Variants in RYK observed in about 807,000 individuals in gnomAD.
RYK encodes the protein inactive tyrosine-protein kinase RYK.
Under a neutral mutation model 70.2 loss-of-function variants are expected in RYK, and 21 were observed. The observed-to-expected ratio is 0.30, with a 90% confidence interval of 0.21 to 0.43. RYK has a LOEUF of 0.43. Among genes scored for constraint, RYK ranks in the 20% least tolerant of loss-of-function variants. RYK has a pLI of 1.00. For synonymous variants in RYK, 267 were observed against 278.0 expected (o/e 0.96, Z 0.39); for missense variants, 604 against 753.3 (o/e 0.80, Z 2.32).
Position 134,158,102 on chromosome 3 carries a change from A to G in RYK, c.*51T>C, listed in dbSNP as rs2012314023. 2 of 1,050,290 alleles carry G rather than the reference A, an allele frequency of 1.9e-6. No individual in the cohort carries two copies. Among genetic ancestry groups the G allele is most frequent in the South Asian group, 2.7e-5 (1 of 36,554 alleles). The allele number at this position is 1,050,290 out of a possible 1,614,324, so 65.1% of individuals were successfully genotyped here. On this transcript the variant is annotated 3_prime_UTR_variant, in exon 15 of 15. Transcript: ENST00000623711. ...TACAAAGCATCCCTGACAGGCTTCAAGTGAGCCCCGACAGGCACCTTCTTC... is the reference window on the plus strand; with the variant it reads ...TACAAAGCATCCCTGACAGGCTTCAGGTGAGCCCCGACAGGCACCTTCTTC...
intron 1 of RYK, among the ~76,000 whole-genome samples, chr3:134,244,805 C>T (rs2015412231): frequency 6.6e-6 from 1 of 152,148 alleles, no homozygotes; most frequent in South Asian, 2.1e-4. Flanking sequence ...TGTTGAAATC[C>T]TAACCACTAA....
At chr3:134,185,692 T>G (rs576176603) in intron 9 of RYK, among the ~76,000 whole-genome samples, 3 of 152,168 alleles carry the variant, frequency 2.0e-5, no homozygotes, top group African/African-American at 7.2e-5. Context: ...TGGAGGCTAG[T>G]AGGATCTTTT....
chr3:134,244,399 CTT>C (rs1280194573), intron 1 of RYK, among the ~76,000 whole-genome samples: 1 of 152,180 alleles, frequency 6.6e-6, no homozygotes. Flanking sequence ...CGGTTCTACT[CTT>C]TGAGTTTTTG....
Position 134,211,456 on chromosome 3 carries a change from G to C in RYK, c.454+52C>G, listed in dbSNP as rs191276126. ...GTAAACTTCTGTTTTGGGGCCATAG[G>C]GGATGCAGTTGAAAAAGTATGTTAA... On this transcript the variant is annotated intron_variant, in intron 3 of 14. Transcript: ENST00000623711. 4.9e-4 allele frequency: 630 copies of C among 1,273,338 alleles called. 3 individuals carry two copies. The African/African-American group carries it at 8.0e-3, about 16-fold the overall frequency. 78.9% of individuals were successfully genotyped at this position (1,273,338 alleles called of 1,614,324 possible).
intron 11 of RYK, 84 bp from the exon 12 acceptor site, chr3:134,176,123 C>G: frequency 2.5e-6 from 2 of 812,398 alleles, no homozygotes; most frequent in South Asian, 1.6e-5. Context: ...CACAATCCTA[C>G]TCCATCCAAA....
Position 134,158,092 on chromosome 3 carries a change from A to T in RYK, c.*61T>A. ...TTGTGTTAGATACAAAGCATCCCTGACAGGCTTCAAGTGAGCCCCGACAGG... is the reference window on the plus strand; with the variant it reads ...TTGTGTTAGATACAAAGCATCCCTGTCAGGCTTCAAGTGAGCCCCGACAGG... On this transcript the variant is annotated 3_prime_UTR_variant, in exon 15 of 15. Coordinates refer to ENST00000623711, the MANE Select transcript of RYK (RefSeq NM_002958.4). The T allele has an allele frequency of 1.2e-6, 1 of 869,110 alleles. No individual in the cohort carries two copies. Among genetic ancestry groups the T allele is most frequent in the Non-Finnish European group, 1.6e-6 (1 of 615,282 alleles). 53.8% of individuals were successfully genotyped at this position (869,110 alleles called of 1,614,324 possible). A position where few individuals can be genotyped will look rare whatever the true frequency, so the allele number is the denominator to read the frequency against.
At chr3:134,208,502 T>C (rs768373578) in intron 4 of RYK, among the ~76,000 whole-genome samples, 3 of 152,234 alleles carry the variant, frequency 2.0e-5, no homozygotes, top group East Asian at 1.9e-4. Context: ...TAACTGAATA[T>C]AGTAGAACTG....
intron 1 of RYK, among the ~76,000 whole-genome samples, chr3:134,247,491 T>C (rs939902012): frequency 2.0e-5 from 3 of 151,836 alleles, no homozygotes; most frequent in Non-Finnish European, 4.4e-5. Flanking sequence ...TCACCTGAGG[T>C]TGGGGGTTTG....
chr3:134,199,869 T>C (rs1576517311), intron 6 of RYK, among the ~76,000 whole-genome samples: 1 of 152,064 alleles, frequency 6.6e-6, no homozygotes, highest in African/African-American at 2.4e-5. Context: ...CGGCACTCTG[T>C]GTCTAGCTAA....
chr3:134,180,508 G>T (rs2013259824), intron 10 of RYK: 1 of 152,240 alleles, frequency 6.6e-6, no homozygotes, highest in South Asian at 2.1e-4. Context: ...TCTATATTCT[G>T]TTGCTTGATA....
chr3:134,158,305 A>C (rs2012321856), intron 14 of RYK, 41 bp from the exon 15 acceptor site: 1 of 1,327,240 alleles, frequency 7.5e-7, no homozygotes, highest in Admixed American at 2.2e-5. Context: ...TAGTAAGGAT[A>C]CAGTATTCAT....
At chr3:134,185,752 CTT>C (rs1315673120) in intron 9 of RYK, among the ~76,000 whole-genome samples, 5 of 152,144 alleles carry the variant, frequency 3.3e-5, no homozygotes, top group Admixed American at 6.5e-5. Flanking sequence ...GTTAAAAAGA[CTT>C]TTACCATTCC....
At chr3:134,230,496 T>TATATAAATG in intron 1 of RYK, among the ~76,000 whole-genome samples, 1 of 152,196 alleles carries the variant, frequency 6.6e-6, no homozygotes, top group African/African-American at 2.4e-5. Flanking sequence ...TAATCAGCAA[T>TATATAAATG]GAAAATAAGA....
chr3:134,237,992 G>C (rs183619877), intron 1 of RYK, among the ~76,000 whole-genome samples: 14 of 152,206 alleles, frequency 9.2e-5, no homozygotes, highest in African/African-American at 3.1e-4. Context: ...ATGCTAAAAG[G>C]AAAGTAAACA....
chr3:134,167,216 C>G (rs557397699), intron 13 of RYK, among the ~76,000 whole-genome samples: 180 of 152,048 alleles, frequency 1.2e-3, no homozygotes, highest in Middle Eastern at 3.4e-3. Context: ...GCCATACTGC[C>G]CAAGGTAATT....
At chr3:134,179,530 GAGA>G (rs529393086) in intron 10 of RYK, 168 of 152,368 alleles carry the variant, frequency 1.1e-3, no homozygotes, top group Non-Finnish European at 2.1e-3. Context: ...CACGCTGGGA[GAGA>G]AAGTTTAGGT....
intron 13 of RYK, among the ~76,000 whole-genome samples, chr3:134,174,031 T>G (rs2013013247): frequency 1.3e-5 from 2 of 152,168 alleles, no homozygotes; most frequent in African/African-American, 4.8e-5. Context: ...CTGGATTATG[T>G]AAGTGGGTTC....
intron 11 of RYK, among the ~76,000 whole-genome samples, 169 bp downstream of exon 11, chr3:134,177,772 G>A (rs564124163): frequency 5.9e-5 from 9 of 152,310 alleles, no homozygotes; most frequent in African/African-American, 1.7e-4. Flanking sequence ...AGGAACATAA[G>A]CCAACATTTT....
At chr3:134,231,073 A>T (rs2015045821) in intron 1 of RYK, among the ~76,000 whole-genome samples, 1 of 152,062 alleles carries the variant, frequency 6.6e-6, no homozygotes, top group South Asian at 2.1e-4. Context: ...TAATAACAAA[A>T]AATAATATGT....
Sources: allele counts gnomAD v4.1 joint callset (sites outside exome capture counted in the v4.1 genomes callset), GRCh38; gene constraint gnomAD v4.1.1; transcripts MANE v1.5; gene names NCBI Gene and HGNC (gene_info 2026-07-23, HGNC 2026-07-21).